The following C11orf65 variants were observed in gnomAD, a reference collection of about 807,000 sequenced individuals.
C11orf65 encodes chromosome 11 open reading frame 65.
C11orf65 carries 38 observed loss-of-function variants against 35.3 expected under a neutral mutation model. That is an observed-to-expected ratio of 1.08 (90% CI 0.83 to 1.41). The LOEUF (loss-of-function observed/expected upper bound fraction) is 1.41. Among genes scored for constraint, C11orf65 ranks in the 40% most tolerant of loss-of-function variants. The probability of loss-of-function intolerance (pLI) is 0.00; values close to 1 mark genes in which losing one functional copy is unlikely to be tolerated. For synonymous variants in C11orf65, 105 were observed against 114.4 expected, an observed-to-expected ratio of 0.92 and a Z score of 0.53; for missense variants, 370 against 367.1, an observed-to-expected ratio of 1.01 and a Z score of -0.06.
At chr11:108,427,931 C>T (rs112218003) in intron 3 of C11orf65, among the ~76,000 whole-genome samples, 20 of 130,174 alleles carry the variant, frequency 1.5e-4, no homozygotes, top group Non-Finnish European at 2.1e-4. Flanking sequence ...CCCGGGTTCA[C>T]GCCATTCTCC....
chr11:108,368,007 A>G (rs2091420851), intron 2 of C11orf65: 1 of 206,648 alleles, frequency 4.8e-6, no homozygotes, highest in Non-Finnish European at 9.9e-6. Flanking sequence ...ATGAATTTGT[A>G]GCTAATTCTT....
chr11:108,356,064 A>C (rs1307336034), intron 2 of C11orf65: 2 of 152,186 alleles, frequency 1.3e-5, no homozygotes, highest in South Asian at 4.1e-4. Flanking sequence ...ACCGATTTCA[A>C]ATTCTGTTCA....
intron 2 of C11orf65, among the ~76,000 whole-genome samples, chr11:108,360,273 G>GC (rs1555147852): frequency 1.3e-5 from 2 of 149,942 alleles, no homozygotes; most frequent in Non-Finnish European, 3.0e-5. Context: ...GAATAGACCA[G>GC]TAACAGGAGC....
intron 8 of C11orf65, among the ~76,000 whole-genome samples, chr11:108,385,015 C>G (rs978555675): frequency 3.3e-5 from 5 of 152,180 alleles, no homozygotes; most frequent in African/African-American, 1.2e-4. Flanking sequence ...AACCTAAAAA[C>G]TATTTTCAAC....
At chr11:108,452,565 GT>G (rs2093362365) in intron 2 of C11orf65, among the ~76,000 whole-genome samples, 1 of 152,164 alleles carries the variant, frequency 6.6e-6, no homozygotes, top group South Asian at 2.1e-4. Flanking sequence ...CTGTAAACTA[GT>G]TCAACCATTG....
chr11:108,453,608 T>C (rs1264289609), intron 2 of C11orf65, among the ~76,000 whole-genome samples: 1 of 152,176 alleles, frequency 6.6e-6, no homozygotes, highest in African/African-American at 2.4e-5. Flanking sequence ...TATAACAATA[T>C]AAAATAAAAT....
At chr11:108,329,928 C>T (rs1484677287), downstream of C11orf65, among the ~76,000 whole-genome samples, 1 of 152,138 alleles carries the variant, frequency 6.6e-6, no homozygotes, top group Non-Finnish European at 1.5e-5. Flanking sequence ...AATTAAATCC[C>T]TTTATTTAAG....
At chr11:108,372,178 C>T (rs1020984375) in intron 2 of C11orf65, among the ~76,000 whole-genome samples, 3 of 144,068 alleles carry the variant, frequency 2.1e-5, no homozygotes, top group Non-Finnish European at 3.0e-5. Context: ...AAATTTTATT[C>T]ATTCATTCAT....
intron 2 of C11orf65, among the ~76,000 whole-genome samples, chr11:108,340,890 G>A (rs952558191): frequency 6.6e-6 from 1 of 152,136 alleles, no homozygotes; most frequent in African/African-American, 2.4e-5. Context: ...TAGTTGTACT[G>A]TATTGGTTTT....
Position 108,331,853 on chromosome 11 carries a change from TA to T in C11orf65, c.300-287del, listed in dbSNP as rs771236363. The T allele has an allele frequency of 4.6e-5, 74 of 1,610,438 alleles. 1 individual carries two copies. In the South Asian group the frequency reaches 7.7e-4, roughly 17 times the overall value. On this transcript the variant is annotated intron_variant, in intron 3 of 3. Transcript: ENST00000524755. ...GATTATATTTTTTTGTTTATTTGCA[TA>T]AATCTAATAGTTCTTTTCTTACAGC...
At chr11:108,309,170 T>A (rs2083932707) in intron 6 of C11orf65, 1 of 628,458 alleles carries the variant, frequency 1.6e-6, no homozygotes, top group African/African-American at 1.8e-5. Context: ...CTGTACAGTA[T>A]GTTGGGCAAA....
intron 2 of C11orf65, among the ~76,000 whole-genome samples, chr11:108,450,584 T>C (rs185346115): frequency 3.4e-5 from 4 of 119,062 alleles, no homozygotes; most frequent in African/African-American, 6.7e-5. Context: ...TGAGAACACA[T>C]AGGCACAGGA....
At chr11:108,455,751 G>C in intron 2 of C11orf65, among the ~76,000 whole-genome samples, 1 of 144,430 alleles carries the variant, frequency 6.9e-6, no homozygotes, top group Non-Finnish European at 1.5e-5. Flanking sequence ...AGGAAGCGGT[G>C]GTTGCAGTGA....
At chr11:108,352,963 C>T (rs996923011) in intron 2 of C11orf65, among the ~76,000 whole-genome samples, 1 of 151,790 alleles carries the variant, frequency 6.6e-6, no homozygotes, top group Admixed American at 6.6e-5. Flanking sequence ...TAGGTGCAGC[C>T]GTAAAGGGCA....
At chr11:108,441,106 T>A (rs990133076) in intron 2 of C11orf65, among the ~76,000 whole-genome samples, 1 of 152,108 alleles carries the variant, frequency 6.6e-6, no homozygotes, top group Admixed American at 6.5e-5. Flanking sequence ...CCTGGAAAAT[T>A]AGGACACTCC....
At chr11:108,368,411 T>G (rs2091443730) in intron 2 of C11orf65, 2 of 213,240 alleles carry the variant, frequency 9.4e-6, no homozygotes, top group Non-Finnish European at 1.9e-5. Context: ...AGAATAGTTG[T>G]TGTATGCTAA....
At chr11:108,450,373 C>T (rs2093329504) in intron 2 of C11orf65, among the ~76,000 whole-genome samples, 1 of 151,622 alleles carries the variant, frequency 6.6e-6, no homozygotes, top group Non-Finnish European at 1.5e-5. Flanking sequence ...TGGAACTAAC[C>T]CAAATGCCTA....
At chr11:108,317,835 T>A (rs1222946089) in intron 6 of C11orf65, among the ~76,000 whole-genome samples, 3 of 151,490 alleles carry the variant, frequency 2.0e-5, no homozygotes, top group Non-Finnish European at 2.9e-5. Context: ...CTTATTCCAT[T>A]AGGACAACTT....
intron 2 of C11orf65, among the ~76,000 whole-genome samples, chr11:108,443,701 A>T (rs1389595659): frequency 2.0e-5 from 3 of 152,140 alleles, no homozygotes; most frequent in Non-Finnish European, 2.9e-5. Flanking sequence ...AAACTGAACA[A>T]CCTGCTCCTG....
Sources: gnomAD v4.1 joint callset for allele counts (sites outside exome capture counted in the v4.1 genomes callset) on GRCh38, gnomAD v4.1.1 for gene constraint, MANE v1.5 for transcripts, NCBI Gene and HGNC (gene_info 2026-07-23, HGNC 2026-07-21) for gene names.